CCDC7: variants seen among roughly 807,000 people sequenced by gnomAD.
The protein encoded by CCDC7 is coiled-coil domain-containing protein 7.
CCDC7 carries 183 observed loss-of-function variants against 196.9 expected under a neutral mutation model. That is an observed-to-expected ratio of 0.93 (90% CI 0.82 to 1.05). The LOEUF is 1.05. Ranked by LOEUF, CCDC7 falls within the 50% of genes least tolerant of loss-of-function variation. The pLI is 0.00. For synonymous variants in CCDC7, 525 were observed against 484.6 expected (o/e 1.08, Z -1.10); for missense variants, 1,540 against 1,482.2 (o/e 1.04, Z -0.64).
intron 20 of CCDC7, among the ~76,000 whole-genome samples, chr10:32,644,798 A>C (rs2067462769): frequency 6.6e-6 from 1 of 152,258 alleles, no homozygotes; most frequent in Non-Finnish European, 1.5e-5. Flanking sequence ...CATGATTGTA[A>C]GGCCTCCCCA....
chr10:32,567,972 T>C (rs2057066554), intron 15 of CCDC7, 81 bp downstream of exon 16: 2 of 1,355,182 alleles, frequency 1.5e-6, no homozygotes, highest in South Asian at 3.4e-5. Flanking sequence ...TTCATTTGTA[T>C]ATGTTATTTA....
At chr10:32,588,722 G>A (rs1037488463) in intron 18 of CCDC7, among the ~76,000 whole-genome samples, 1 of 151,982 alleles carries the variant, frequency 6.6e-6, no homozygotes, top group African/African-American at 2.4e-5. Context: ...AGGAGAATTG[G>A]TGTTAAATCT....
rs903802095 is a variant in CCDC7, at chr10:32,823,855, G to A, written c.3182-663G>A. On this transcript the variant is annotated intron_variant, in intron 31 of 41. Transcript: ENST00000639629. ...GGCTAGTACCACTACAAATATTCCC[G>A]TTTTCTTCTTCCCAGCTGTAAAGTC... Among the ~76,000 whole-genome samples, 15 of 152,038 alleles carry A rather than the reference G, an allele frequency of 9.9e-5. 1 individual carries two copies. In the South Asian group the frequency reaches 2.3e-3, roughly 23 times the overall value.
At chr10:32,705,247 C>A (rs971943375) in intron 24 of CCDC7, among the ~76,000 whole-genome samples, 7 of 152,022 alleles carry the variant, frequency 4.6e-5, no homozygotes, top group African/African-American at 1.4e-4. Flanking sequence ...GAAATAAAAT[C>A]CTTTACAGAC....
chr10:32,474,024 G>GT lies in CCDC7; in HGVS notation c.796+2dup. The GT allele has an allele frequency of 1.2e-6, 2 of 1,610,686 alleles. No individual in the cohort carries two copies. The highest frequency in any genetic ancestry group is 1.7e-4 in the Middle Eastern group (1 of 6,024). On this transcript the variant is annotated splice_donor_variant, in intron 8 of 41. Transcript: ENST00000639629. LOFTEE classifies it high-confidence loss of function. ...AAAGATGTTTCTGCAACAGAACCACGTAAGTTTCCACTCATTAAAGCATTA... is the reference window on the plus strand; with the variant it reads ...AAAGATGTTTCTGCAACAGAACCACGTTAAGTTTCCACTCATTAAAGCATTA...
chr10:32,648,089 T>G (rs372515104), intron 20 of CCDC7, among the ~76,000 whole-genome samples: 1 of 152,256 alleles, frequency 6.6e-6, no homozygotes, highest in East Asian at 1.9e-4. Flanking sequence ...TTGGGAGCCC[T>G]TTCCTCATTG....
At chr10:32,671,867 G>C (rs937472172) in intron 21 of CCDC7, among the ~76,000 whole-genome samples, 22 of 152,126 alleles carry the variant, frequency 1.4e-4, no homozygotes, top group African/African-American at 5.3e-4. Context: ...AAGATTTCGA[G>C]GATCCTCAGC....
intron 29 of CCDC7, among the ~76,000 whole-genome samples, chr10:32,780,854 T>A (rs547398420): frequency 4.0e-4 from 61 of 152,220 alleles, no homozygotes; most frequent in African/African-American, 8.9e-4. Context: ...GAATTTTTTT[T>A]AAAAAATGAT....
At chr10:32,678,911 G>C (rs1046312794) in intron 21 of CCDC7, among the ~76,000 whole-genome samples, 1 of 152,046 alleles carries the variant, frequency 6.6e-6, no homozygotes, top group African/African-American at 2.4e-5. Context: ...TCCTTGTCTG[G>C]TTGTTAAGTC....
chr10:32,606,309 C>G (rs1448154835), intron 18 of CCDC7, among the ~76,000 whole-genome samples: 1 of 152,232 alleles, frequency 6.6e-6, no homozygotes, highest in Non-Finnish European at 1.5e-5. Flanking sequence ...GGGCAGAGCC[C>G]TCACAGAGAA....
At chr10:32,643,564 C>T (rs1304883736) in intron 20 of CCDC7, among the ~76,000 whole-genome samples, 1 of 151,756 alleles carries the variant, frequency 6.6e-6, no homozygotes, top group Non-Finnish European at 1.5e-5. Context: ...GTTTCTTCTA[C>T]CCAATCCATG....
downstream of CCDC7, among the ~76,000 whole-genome samples, chr10:32,880,636 G>T (rs1362362577): frequency 6.6e-6 from 1 of 152,108 alleles, no homozygotes; most frequent in Non-Finnish European, 1.5e-5. Context: ...ATCCTGAATG[G>T]TATTACCTAG....
intron 22 of CCDC7, among the ~76,000 whole-genome samples, chr10:32,688,025 A>G (rs527969440): frequency 3.9e-5 from 6 of 152,276 alleles, no homozygotes; most frequent in Non-Finnish European, 8.8e-5. Context: ...TCAGAGAACA[A>G]ATGATAGCCT....
At chr10:32,789,438 A>G (rs779135403) in intron 29 of CCDC7, among the ~76,000 whole-genome samples, 5 of 152,162 alleles carry the variant, frequency 3.3e-5, no homozygotes, top group Non-Finnish European at 7.4e-5. Flanking sequence ...GAACTCAATG[A>G]TTGAACTGGA....
chr10:32,849,174 T>A (rs1002732869), intron 39 of CCDC7, among the ~76,000 whole-genome samples: 5 of 152,020 alleles, frequency 3.3e-5, no homozygotes, highest in African/African-American at 1.2e-4. Flanking sequence ...ACTCTTATTT[T>A]AATTTTTATT....
At chr10:32,726,629 T>G (rs2083167243) in intron 25 of CCDC7, 105 bp from the exon 27 acceptor site, 1 of 533,904 alleles carries the variant, frequency 1.9e-6, no homozygotes, top group Admixed American at 3.8e-5. Context: ...TGAGAAAAAA[T>G]ATTGCTATAT....
At chr10:32,779,650 C>G (rs117302954) in intron 29 of CCDC7, among the ~76,000 whole-genome samples, 3,809 of 152,246 alleles carry the variant, frequency 0.025, 62 homozygotes, top group Non-Finnish European at 0.04. Context: ...TTGAATCACT[C>G]CTTAAAGGCA....
intron 9 of CCDC7, among the ~76,000 whole-genome samples, chr10:32,507,490 G>T (rs2045386864): frequency 6.6e-6 from 1 of 150,592 alleles, no homozygotes; most frequent in South Asian, 2.1e-4. Flanking sequence ...TCACTCTGTT[G>T]CCCAGGCTGG....
At chr10:32,580,876 A>G (rs2058673883) in intron 16 of CCDC7, among the ~76,000 whole-genome samples, 1 of 151,952 alleles carries the variant, frequency 6.6e-6, no homozygotes, top group African/African-American at 2.4e-5. Context: ...TAAAGAGGGC[A>G]GTTTGAAAAA....
Sources: allele counts gnomAD v4.1 joint callset (sites outside exome capture counted in the v4.1 genomes callset), GRCh38; gene constraint gnomAD v4.1.1; transcripts MANE v1.5; gene names NCBI Gene and HGNC (gene_info 2026-07-23, HGNC 2026-07-21).